Variants in CARF observed in about 807,000 individuals in gnomAD.
CARF encodes the protein calcium responsive transcription factor, also known as calcium-responsive transcription factor.
CARF carries 57 observed loss-of-function variants against 82.0 expected under a neutral mutation model. The observed-to-expected ratio is 0.70, with a 90% confidence interval of 0.56 to 0.87. The LOEUF is 0.87. Among genes scored for constraint, CARF ranks in the 40% least tolerant of loss-of-function variants. The probability of loss-of-function intolerance (pLI) is 0.00; values close to 1 mark genes in which losing one functional copy is unlikely to be tolerated. For missense variants in CARF, 771 were observed against 855.8 expected (o/e 0.90, Z 1.24); for synonymous variants, 268 against 290.1 (o/e 0.92, Z 0.77).
At chr2:202,975,542 G>A (rs1199216511) in intron 13 of CARF, among the ~76,000 whole-genome samples, 1 of 152,204 alleles carries the variant, frequency 6.6e-6, no homozygotes, top group Non-Finnish European at 1.5e-5. Flanking sequence ...GGGAGGCGGA[G>A]GTTGCAGTGA....
chr2:202,974,315 C>T lies in CARF; in HGVS notation c.1332-19C>T, dbSNP rs2059935813. 6.4e-7 allele frequency: 1 copy of T among 1,552,504 alleles called. No homozygotes were observed. Among genetic ancestry groups the T allele is most frequent in the Non-Finnish European group, 8.6e-7 (1 of 1,157,038 alleles). On this transcript the variant is annotated intron_variant, in intron 12 of 16. Coordinates refer to ENST00000438828, the MANE Select transcript of CARF (RefSeq NM_024744.17). ...TGCTAAATGGTTTATGTCTTTATTC[C>T]ATTTTGTATTCTTTACAGAAAATTT...
Position 202,971,721 on chromosome 2 carries a change from A to G in CARF, c.1314A>G (p.Ala438=). Residue 438 remains alanine, a synonymous_variant, in exon 12 of 17, where the codon GCA becomes GCG. Transcript: ENST00000438828. ...CACAGGGAATAGAACAAGTGTATGC[A>G]GTAAGGAAACAGCTAAGGTACAATA... is the stretch of plus-strand genomic sequence containing the variant. The part of the protein sequence containing the change: ...LVSQGIEQVY[A]VRKQLRKFVE... 6.2e-7 allele frequency: 1 copy of G among 1,611,510 alleles called. No individual in the cohort carries two copies. Among genetic ancestry groups the G allele is most frequent in the Non-Finnish European group, 8.5e-7 (1 of 1,177,848 alleles).
intron 8 of CARF, among the ~76,000 whole-genome samples, chr2:202,956,078 AT>A (rs889746102): frequency 8.6e-4 from 115 of 134,374 alleles, no homozygotes; most frequent in East Asian, 8.7e-4. Context: ...GCTTGCACTT[AT>A]TTTTTTTTTT....
chr2:202,918,863 T>C (rs908211315), intron 2 of CARF, among the ~76,000 whole-genome samples: 2 of 152,224 alleles, frequency 1.3e-5, no homozygotes, highest in Admixed American at 6.5e-5. Flanking sequence ...TACTTTAATA[T>C]TTTCTCAATG....
At chr2:202,943,391 C>G (rs2058328666) in intron 5 of CARF, among the ~76,000 whole-genome samples, 1 of 152,130 alleles carries the variant, frequency 6.6e-6, no homozygotes, top group East Asian at 1.9e-4. Context: ...GTTTAAAATA[C>G]TGTTTCCATG....
intron 5 of CARF, 116 bp downstream of exon 5, chr2:202,943,083 A>T: frequency 1.2e-6 from 1 of 808,182 alleles, no homozygotes; most frequent in Non-Finnish European, 1.9e-6. Context: ...TTATTTATTT[A>T]TTTTTGAGAT....
intron 3 of CARF, among the ~76,000 whole-genome samples, chr2:202,934,161 CTTAGT>C (rs1693492305): frequency 6.6e-6 from 1 of 152,046 alleles, no homozygotes; most frequent in Non-Finnish European, 1.5e-5. Context: ...GTTGGACAAG[CTTAGT>C]TTAAAGGCTA....
At chr2:202,975,913 C>T (rs1446017630) in intron 13 of CARF, among the ~76,000 whole-genome samples, 1 of 151,334 alleles carries the variant, frequency 6.6e-6, no homozygotes, top group African/African-American at 2.4e-5. Context: ...GGCGCGGTGG[C>T]AGGTGCCTAT....
rs1000194436 is a variant in CARF at position 202,987,791 on chromosome 2, G to C, written c.*4167G>C. Among the ~76,000 whole-genome samples, 1 of 152,032 alleles carries C rather than the reference G, an allele frequency of 6.6e-6. No individual in the cohort carries two copies. Among genetic ancestry groups the C allele is most frequent in the Admixed American group, 6.5e-5 (1 of 15,278 alleles). Reference sequence around the variant, plus strand: ...AGGGTGTGAATCATGTACCAGGAGGGATTTTATTTTTAAATATCTTTATTG... The same window carrying C: ...AGGGTGTGAATCATGTACCAGGAGGCATTTTATTTTTAAATATCTTTATTG... On this transcript the variant is annotated 3_prime_UTR_variant, in exon 17 of 17. Transcript: ENST00000438828.
chr2:202,938,559 C>T (rs1050607771), intron 3 of CARF, among the ~76,000 whole-genome samples: 4 of 148,880 alleles, frequency 2.7e-5, no homozygotes, highest in Admixed American at 1.4e-4. Context: ...GGTGAGCCAC[C>T]GTGCCCAGCC....
intron 5 of CARF, among the ~76,000 whole-genome samples, chr2:202,948,481 A>C (rs2058606462): frequency 6.6e-6 from 1 of 152,162 alleles, no homozygotes; most frequent in Non-Finnish European, 1.5e-5. Context: ...CTTTCTGTCC[A>C]TGAGCATGGA....
At chr2:202,930,045 G>GGTTT (rs1692597543) in intron 3 of CARF, among the ~76,000 whole-genome samples, 1 of 151,816 alleles carries the variant, frequency 6.6e-6, no homozygotes, top group Admixed American at 6.6e-5. Context: ...GTGTGTGGGG[G>GGTTT]GTTTTGTTTT....
Position 202,982,446 on chromosome 2 carries a change from G to A in CARF, c.2059+5G>A, listed in dbSNP as rs1465251859. On this transcript the variant is annotated splice_donor_5th_base_variant and intron_variant, in intron 16 of 16. Coordinates refer to ENST00000438828, the MANE Select transcript of CARF (RefSeq NM_024744.17). ...TAGACAACCACTCAGCTCTTAGTAA[G>A]TTGAAATCAATTTATGATGTTATTG... The A allele has an allele frequency of 1.9e-5, 30 of 1,613,174 alleles. No homozygotes were observed. Among genetic ancestry groups the A allele is most frequent in the Non-Finnish European group, 2.4e-5 (28 of 1,179,760 alleles).
intron 2 of CARF, among the ~76,000 whole-genome samples, chr2:202,921,194 G>A (rs1408816310): frequency 6.6e-6 from 1 of 152,162 alleles, no homozygotes; most frequent in East Asian, 1.9e-4. Flanking sequence ...GTAGAGACGG[G>A]GTTTCACCAT....
In CARF at chr2:202,942,734, C is replaced by A; in HGVS notation, c.79-6C>A. ...ACTGAAGTGATTTTTTTTTTCCTTA[C>A]AAAAGCATCTAATCTGTATGGACTC... is the stretch of plus-strand genomic sequence containing the variant. On this transcript the variant is annotated splice_region_variant and splice_polypyrimidine_tract_variant and intron_variant, in intron 4 of 16. Coordinates refer to ENST00000438828, the MANE Select transcript of CARF (RefSeq NM_024744.17). 1.9e-6 allele frequency: 3 copies of A among 1,548,278 alleles called. No homozygotes were observed. The highest frequency in any genetic ancestry group is 1.2e-5 in the South Asian group (1 of 81,838).
intron 3 of CARF, among the ~76,000 whole-genome samples, chr2:202,940,414 T>C (rs1010456321): frequency 2.0e-5 from 3 of 152,188 alleles, no homozygotes; most frequent in African/African-American, 7.2e-5. Flanking sequence ...CATTGAATAA[T>C]TATATTCAAT....
At chr2:202,914,975 G>C (rs1388973674) in intron 1 of CARF, among the ~76,000 whole-genome samples, 1 of 151,654 alleles carries the variant, frequency 6.6e-6, no homozygotes, top group Non-Finnish European at 1.5e-5. Flanking sequence ...TATTTTTTGA[G>C]TTGGAGGGTT....
chr2:202,964,206 G>A (rs1388448729), intron 9 of CARF, among the ~76,000 whole-genome samples: 2 of 152,174 alleles, frequency 1.3e-5, no homozygotes, highest in Non-Finnish European at 2.9e-5. Flanking sequence ...CCTGTCAGCA[G>A]TGTGTGAAAA....
intron 5 of CARF, among the ~76,000 whole-genome samples, chr2:202,949,731 A>C (rs1200651458): frequency 2.0e-5 from 3 of 151,742 alleles, no homozygotes; most frequent in Non-Finnish European, 4.4e-5. Context: ...TAGTATTTTT[A>C]GTAGAGACGG....
Sources: allele counts gnomAD v4.1 joint callset (sites outside exome capture counted in the v4.1 genomes callset), GRCh38; gene constraint gnomAD v4.1.1; transcripts MANE v1.5; gene names NCBI Gene and HGNC (gene_info 2026-07-23, HGNC 2026-07-21).